The following TBCK variants were observed in gnomAD, a reference collection of about 807,000 sequenced individuals.
The protein encoded by TBCK is TBC domain-containing protein kinase-like protein.
A neutral mutation model predicts 113.4 loss-of-function variants in TBCK; 99 were observed. The observed-to-expected ratio is 0.87, with a 90% CI of 0.74 to 1.03. TBCK has a LOEUF of 1.03. Ranked by LOEUF, TBCK falls within the 50% of genes least tolerant of loss-of-function variation. The pLI, the probability that TBCK is intolerant of heterozygous loss-of-function variation, is 0.00. For missense variants in TBCK, 1,045 were observed against 1,061.3 expected, an observed-to-expected ratio of 0.98 and a Z score of 0.21; for synonymous variants, 369 against 370.8, an observed-to-expected ratio of 1.00 and a Z score of 0.05.
chr4:106,116,244 A>C lies in TBCK; in HGVS notation c.2370T>G (p.Ser790Arg), dbSNP rs1176913216. 2 of 1,613,968 alleles carry C rather than the reference A, an allele frequency of 1.2e-6. No individual in the cohort carries two copies. Among genetic ancestry groups the C allele is most frequent in the Non-Finnish European group, 1.7e-6 (2 of 1,180,024 alleles). ...FKTPSKKTKS[S>R]KPKLLVVDIR... is the part of the protein sequence containing the mutation. ...TGTCAACCACCAGGAGCTTTGGTTT[A>C]CTGGACTTTGTTTTCTTGCTGGGTG... Residue 790 changes from serine (S) to arginine (R), a missense_variant, in exon 24 of 26, where the codon AGT (serine) becomes AGG (arginine). Ser to Arg is a moderately radical substitution (Grantham distance 110). Coordinates refer to ENST00000394708, the MANE Select transcript of TBCK (RefSeq NM_001163435.3).
chr4:106,060,852 G>A (rs555840319), intron 25 of TBCK, among the ~76,000 whole-genome samples: 2 of 151,868 alleles, frequency 1.3e-5, no homozygotes, highest in South Asian at 2.1e-4. Context: ...ATGAAATGGA[G>A]TTTGGAAGAA....
intron 23 of TBCK, among the ~76,000 whole-genome samples, chr4:106,121,939 A>T (rs1424611662): frequency 6.6e-6 from 1 of 152,244 alleles, no homozygotes; most frequent in Non-Finnish European, 1.5e-5. Flanking sequence ...TCTAAAATTC[A>T]CACCCTAACA....
intron 24 of TBCK, among the ~76,000 whole-genome samples, chr4:106,115,635 A>C (rs1204473955): frequency 6.6e-6 from 1 of 152,224 alleles, no homozygotes; most frequent in Non-Finnish European, 1.5e-5. Flanking sequence ...GATAATGAAA[A>C]TAGAAGGAGA....
rs147332436 is a variant in TBCK at position 106,151,426 on chromosome 4, AATTTTT to A, written c.2235+19663_2235+19668del. On this transcript the variant is annotated intron_variant, in intron 23 of 25. Coordinates refer to ENST00000394708, the MANE Select transcript of TBCK (RefSeq NM_001163435.3). ...TATATCCATGAGTTCAATTTATTTT[AATTTTT>A]ATCACCCACAAATAAGTGAGAACAC... is the stretch of plus-strand genomic sequence containing the variant. Among the ~76,000 whole-genome samples, 601 of 152,060 alleles carry A rather than the reference AATTTTT, an allele frequency of 4.0e-3. 5 individuals carry two copies. Among genetic ancestry groups the A allele is most frequent in the African/African-American group, 0.014 (573 of 41,530 alleles).
At chr4:106,113,761 A>G (rs1436508413) in intron 24 of TBCK, among the ~76,000 whole-genome samples, 2 of 152,198 alleles carry the variant, frequency 1.3e-5, no homozygotes, top group East Asian at 3.9e-4. Flanking sequence ...TTCACTCCAG[A>G]TAATTTGTTC....
At chr4:106,282,513 A>G (rs912273998) in intron 3 of TBCK, among the ~76,000 whole-genome samples, 3 of 150,676 alleles carry the variant, frequency 2.0e-5, no homozygotes, top group African/African-American at 7.3e-5. Flanking sequence ...GATTTTTTTT[A>G]ACTTTATTGA....
intron 19 of TBCK, among the ~76,000 whole-genome samples, chr4:106,213,089 GATAA>G (rs1756358574): frequency 6.6e-6 from 1 of 152,126 alleles, no homozygotes; most frequent in African/African-American, 2.4e-5. Flanking sequence ...TTGTACACAT[GATAA>G]ATAATGTTTT....
intron 23 of TBCK, among the ~76,000 whole-genome samples, chr4:106,151,277 C>T (rs553979603): frequency 6.6e-6 from 1 of 152,046 alleles, no homozygotes; most frequent in Admixed American, 6.5e-5. Flanking sequence ...TGTGCACCAG[C>T]AAATACTAGG....
chr4:106,243,920 C>G (rs1760464276), intron 11 of TBCK, among the ~76,000 whole-genome samples: 1 of 152,040 alleles, frequency 6.6e-6, no homozygotes, highest in South Asian at 2.1e-4. Flanking sequence ...CTCCTAGGTT[C>G]AAGCAATCCA....
At chr4:106,081,950 A>G (rs1434781911) in intron 25 of TBCK, among the ~76,000 whole-genome samples, 1 of 152,228 alleles carries the variant, frequency 6.6e-6, no homozygotes, top group Non-Finnish European at 1.5e-5. Flanking sequence ...ATGTCAAAAC[A>G]CAAGAAATGC....
chr4:106,061,423 G>C (rs1017657604), intron 25 of TBCK, among the ~76,000 whole-genome samples: 1 of 143,068 alleles, frequency 7.0e-6, no homozygotes. Flanking sequence ...GAAGGCTTGG[G>C]TGACTGTTAG....
chr4:106,134,373 A>G (rs1424371910), intron 23 of TBCK, among the ~76,000 whole-genome samples: 2 of 152,196 alleles, frequency 1.3e-5, no homozygotes, highest in Non-Finnish European at 2.9e-5. Flanking sequence ...TATGTATAAA[A>G]GCATGCTGAG....
At chr4:106,287,321 T>A (rs1765214253) in intron 3 of TBCK, among the ~76,000 whole-genome samples, 2 of 152,168 alleles carry the variant, frequency 1.3e-5, no homozygotes, top group African/African-American at 4.8e-5. Flanking sequence ...TTTTAAGAAT[T>A]CCAGATATTT....
rs1733920775 is a variant in TBCK at position 106,042,435 on chromosome 4, C to T, written c.*4135G>A. 1 of 152,108 alleles carries T rather than the reference C, an allele frequency of 6.6e-6. No homozygotes were observed. Among genetic ancestry groups the T allele is most frequent in the Non-Finnish European group, 1.5e-5 (1 of 68,056 alleles). 9.4% of individuals were successfully genotyped at this position (152,108 alleles called of 1,614,324 possible). ...AGTGCAGTGGAGCGATCTCGGCTCA[C>T]TGCAAGCTCTGCCTCCTGGGTTCAC... On this transcript the variant is annotated 3_prime_UTR_variant, in exon 26 of 26. Transcript: ENST00000394708.
At chr4:106,161,479 G>C (rs181352868) in intron 23 of TBCK, among the ~76,000 whole-genome samples, 72 of 152,166 alleles carry the variant, frequency 4.7e-4, no homozygotes, top group Non-Finnish European at 6.8e-4. Flanking sequence ...ATTGTGCAGA[G>C]AGACCAAGGA....
chr4:106,075,346 A>G (rs1234688992), intron 25 of TBCK, among the ~76,000 whole-genome samples: 1 of 152,256 alleles, frequency 6.6e-6, no homozygotes. Context: ...TAATTTGTTC[A>G]GTAATTGTCT....
chr4:106,128,343 A>G (rs1745472448), intron 23 of TBCK, among the ~76,000 whole-genome samples: 1 of 152,228 alleles, frequency 6.6e-6, no homozygotes, highest in Non-Finnish European at 1.5e-5. Flanking sequence ...AACATTTGAC[A>G]TTCTACTTAT....
chr4:106,224,571 A>G (rs756387696), intron 19 of TBCK, among the ~76,000 whole-genome samples: 1 of 152,202 alleles, frequency 6.6e-6, no homozygotes, highest in Non-Finnish European at 1.5e-5. Context: ...ACACAGTAAC[A>G]AAGAAGTAAA....
chr4:106,111,311 T>C (rs1428385029), intron 24 of TBCK, among the ~76,000 whole-genome samples: 2 of 152,226 alleles, frequency 1.3e-5, no homozygotes, highest in Admixed American at 1.3e-4. Context: ...GTGCTATTGA[T>C]GCTAATTTGC....
Sources: gnomAD v4.1 joint callset for allele counts (sites outside exome capture counted in the v4.1 genomes callset) on GRCh38, gnomAD v4.1.1 for gene constraint, MANE v1.5 for transcripts, NCBI Gene and HGNC (gene_info 2026-07-23, HGNC 2026-07-21) for gene names.